The following ZPBP variants were observed in gnomAD, a reference collection of about 807,000 sequenced individuals.
ZPBP encodes the protein zona pellucida-binding protein 1.
Under a neutral mutation model 44.8 loss-of-function variants are expected in ZPBP, and 26 were observed. The ratio of observed to expected loss-of-function variants is 0.58; its 90% CI spans 0.43 to 0.81. The LOEUF is 0.81. Ranked by LOEUF, ZPBP falls within the 30% of genes least tolerant of loss-of-function variation. ZPBP has a pLI of 0.00. For synonymous variants in ZPBP, 174 were observed against 153.2 expected, an observed-to-expected ratio of 1.14 and a Z score of -1.00; for missense variants, 409 against 434.0, an observed-to-expected ratio of 0.94 and a Z score of 0.51.
chr7:49,984,037 C>T (rs1221183000), intron 6 of ZPBP, among the ~76,000 whole-genome samples: 1 of 152,102 alleles, frequency 6.6e-6, no homozygotes, highest in African/African-American at 2.4e-5. Flanking sequence ...AATAATTATA[C>T]TGGCTTGCCT....
chr7:49,977,054 A>T (rs1298195505), intron 7 of ZPBP, among the ~76,000 whole-genome samples: 1 of 151,604 alleles, frequency 6.6e-6, no homozygotes, highest in Non-Finnish European at 1.5e-5. Context: ...GTGAGCCGAG[A>T]TCCCGCCACT....
At chr7:49,897,085 C>T (rs1292251998) in intron 2 of ZPBP, among the ~76,000 whole-genome samples, 2 of 151,526 alleles carry the variant, frequency 1.3e-5, no homozygotes, top group East Asian at 1.9e-4. Flanking sequence ...TTAGTAGAGA[C>T]GGGGTTTCAC....
At chr7:49,991,139 A>G in intron 6 of ZPBP, among the ~76,000 whole-genome samples, 1 of 152,172 alleles carries the variant, frequency 6.6e-6, no homozygotes, top group East Asian at 1.9e-4. Flanking sequence ...TTTAAAAAGG[A>G]GATGGAAACA....
chr7:49,954,076 T>A (rs1185005139), intron 7 of ZPBP, among the ~76,000 whole-genome samples: 1 of 152,022 alleles, frequency 6.6e-6, no homozygotes, highest in Non-Finnish European at 1.5e-5. Context: ...GCAATAGTAA[T>A]CAAAATAGTG....
chr7:50,002,411 A>AG (rs1285600319), intron 6 of ZPBP, among the ~76,000 whole-genome samples: 9 of 152,098 alleles, frequency 5.9e-5, no homozygotes, highest in Non-Finnish European at 1.3e-4. Context: ...CATATCAGAC[A>AG]GGGTATCATT....
At chr7:49,925,704 C>T (rs1794210427) in intron 1 of ZPBP, among the ~76,000 whole-genome samples, 1 of 152,248 alleles carries the variant, frequency 6.6e-6, no homozygotes, top group East Asian at 1.9e-4. Context: ...CTGCCTCAGA[C>T]CTCCTTGTCT....
chr7:49,983,304 C>A, intron 7 of ZPBP, 38 bp downstream of exon 7: 1 of 1,599,634 alleles, frequency 6.3e-7, no homozygotes, highest in South Asian at 1.1e-5. Context: ...CATAAATTTT[C>A]AACAATATAA....
chr7:50,056,109 T>C (rs1800925023), intron 4 of ZPBP: 2 of 152,198 alleles, frequency 1.3e-5, no homozygotes, highest in South Asian at 4.1e-4. Context: ...GTCAAAGTAA[T>C]GGTGTGTAAG....
chr7:50,077,103 C>T (rs536177931), intron 3 of ZPBP, among the ~76,000 whole-genome samples: 5 of 151,872 alleles, frequency 3.3e-5, no homozygotes, highest in East Asian at 1.9e-4. Context: ...CACACATCTA[C>T]GGTGAATTCA....
At chr7:49,858,650 T>C (rs1001006825) in intron 2 of ZPBP, among the ~76,000 whole-genome samples, 4 of 151,826 alleles carry the variant, frequency 2.6e-5, no homozygotes, top group Middle Eastern at 3.2e-3. Context: ...CACATGTATA[T>C]ATATGTAACA....
chr7:49,941,960 A>G (rs1794904060), intron 7 of ZPBP, among the ~76,000 whole-genome samples: 1 of 152,164 alleles, frequency 6.6e-6, no homozygotes, highest in East Asian at 1.9e-4. Context: ...AAATCCTTGC[A>G]TACAGGGACA....
chr7:49,893,090 A>G (rs949371532), intron 2 of ZPBP, among the ~76,000 whole-genome samples: 1 of 152,188 alleles, frequency 6.6e-6, no homozygotes, highest in East Asian at 1.9e-4. Context: ...TGAGGAGGAC[A>G]TATTATTTCT....
chr7:49,947,430 G>C (rs761057898), intron 7 of ZPBP, among the ~76,000 whole-genome samples: 2 of 152,194 alleles, frequency 1.3e-5, no homozygotes, highest in Non-Finnish European at 2.9e-5. Context: ...GGCTCTCCAA[G>C]CCTAGTAACA....
At chr7:49,894,497 G>T (rs188058850) in intron 2 of ZPBP, among the ~76,000 whole-genome samples, 4 of 152,208 alleles carry the variant, frequency 2.6e-5, no homozygotes, top group Non-Finnish European at 5.9e-5. Flanking sequence ...AAAACATAGT[G>T]GCAATTTATC....
chr7:49,867,856 T>C (rs2128722279), intron 2 of ZPBP, among the ~76,000 whole-genome samples: 1 of 150,956 alleles, frequency 6.6e-6, no homozygotes, highest in East Asian at 1.9e-4. Context: ...TTTTTTGAGG[T>C]GGAGTCTTGC....
At chr7:49,902,462 T>TGCAAGG (rs1007518517) in intron 1 of ZPBP, among the ~76,000 whole-genome samples, 8 of 151,226 alleles carry the variant, frequency 5.3e-5, no homozygotes, top group African/African-American at 1.9e-4. Flanking sequence ...TTGACAAAGG[T>TGCAAGG]GCAAAGGTAA....
chr7:49,982,443 T>A (rs1051303039), intron 7 of ZPBP, among the ~76,000 whole-genome samples: 2 of 145,552 alleles, frequency 1.4e-5, no homozygotes, highest in Non-Finnish European at 3.0e-5. Flanking sequence ...TTAATTTGTA[T>A]TCTATTTCCT....
At chr7:50,008,858 T>C (rs1321264444) in intron 6 of ZPBP, among the ~76,000 whole-genome samples, 1 of 152,072 alleles carries the variant, frequency 6.6e-6, no homozygotes, top group Non-Finnish European at 1.5e-5. Context: ...TTTTAGCCAC[T>C]GCAATAAGCA....
chr7:50,076,642 C>T (rs1467405153), intron 3 of ZPBP, among the ~76,000 whole-genome samples: 2 of 151,450 alleles, frequency 1.3e-5, no homozygotes, highest in South Asian at 2.1e-4. Context: ...AAAGTAATCC[C>T]ATTTACAACA....
Sources: gnomAD v4.1 joint callset for allele counts (sites outside exome capture counted in the v4.1 genomes callset) on GRCh38, gnomAD v4.1.1 for gene constraint, MANE v1.5 for transcripts, NCBI Gene and HGNC (gene_info 2026-07-23, HGNC 2026-07-21) for gene names.